Variants in NFU1 observed in about 807,000 individuals in gnomAD.
NFU1 encodes the protein NFU1 iron-sulfur cluster scaffold homolog, mitochondrial.
A neutral mutation model predicts 32.2 loss-of-function variants in NFU1; 30 were observed. The ratio of observed to expected loss-of-function variants is 0.93; its 90% CI spans 0.70 to 1.26. The LOEUF is 1.26. NFU1 is among the 50% of genes most tolerant of loss of function. The pLI is 0.00. For synonymous variants in NFU1, 112 were observed against 104.6 expected, an observed-to-expected ratio of 1.07 and a Z score of -0.43; for missense variants, 306 against 306.6, an observed-to-expected ratio of 1.00 and a Z score of 0.02.
intron 7 of NFU1, among the ~76,000 whole-genome samples, chr2:69,397,528 A>C (rs2104727216): frequency 1.3e-5 from 2 of 152,290 alleles, no homozygotes; most frequent in South Asian, 4.1e-4. Context: ...ATTGAATAAA[A>C]ATGTTCCTCA....
At position 69,419,465 on chromosome 2, in the gene NFU1, GGA is replaced by G. The variant is rs1574135958; in HGVS notation, c.369+71_369+72del. The G allele has an allele frequency of 5.4e-6, 4 of 746,144 alleles. No individual in the cohort carries two copies. In the East Asian group the frequency reaches 1.1e-4, roughly 20 times the overall value. 46.2% of individuals were successfully genotyped at this position (746,144 alleles called of 1,614,324 possible). On this transcript the variant is annotated intron_variant, in intron 4 of 7. Coordinates refer to ENST00000410022, the MANE Select transcript of NFU1 (RefSeq NM_001002755.4). ...AAAGAACAGAAAGAATGGAAATGTT[GGA>G]GAGAGAGGCATTGGACTCAGAAAAA...
In NFU1 at chr2:69,437,369, C is replaced by A. The variant is rs1391338906; in HGVS notation, c.54G>T (p.Leu18=). 4 of 1,607,920 alleles carry A rather than the reference C, an allele frequency of 2.5e-6. No homozygotes were observed. The highest frequency in any genetic ancestry group is 3.4e-6 in the Non-Finnish European group (4 of 1,178,738). ...GWGAAAVAAG[L]RRRFCHMLKN... The stretch of plus-strand genomic sequence containing the variant: ...CCAGGCTCGTCACCTACCGCCTGCG[C>A]AGCCCGGCGGCAACAGCCGCAGCTC... Residue 18 remains leucine (L), a synonymous_variant, in exon 1 of 8, where the codon CTG becomes CTT. Transcript: ENST00000410022.
At chr2:69,417,972 A>G (rs1234786236) in intron 4 of NFU1, among the ~76,000 whole-genome samples, 1 of 152,146 alleles carries the variant, frequency 6.6e-6, no homozygotes, top group East Asian at 1.9e-4. Flanking sequence ...TAAATATATA[A>G]TTTCCCACTT....
intron 5 of NFU1, among the ~76,000 whole-genome samples, chr2:69,411,921 TA>T (rs1672893726): frequency 6.6e-6 from 1 of 152,086 alleles, no homozygotes; most frequent in African/African-American, 2.4e-5. Context: ...CCTGTTTAAA[TA>T]AATATAAAAA....
chr2:69,427,920 G>A (rs1673519462), intron 2 of NFU1, among the ~76,000 whole-genome samples: 1 of 152,020 alleles, frequency 6.6e-6, no homozygotes, highest in South Asian at 2.1e-4. Flanking sequence ...CTACTTAGGA[G>A]GCTGAGGCAG....
intron 2 of NFU1, among the ~76,000 whole-genome samples, chr2:69,430,213 CT>C (rs1262879402): frequency 1.0e-5 from 1 of 99,046 alleles, no homozygotes; most frequent in Non-Finnish European, 1.9e-5. Context: ...AAAAATATTT[CT>C]TCCTTTTTTT....
At chr2:69,404,639 GAGAA>G (rs1672638790) in intron 6 of NFU1, among the ~76,000 whole-genome samples, 1 of 11,800 alleles carries the variant, frequency 8.5e-5, no homozygotes, top group African/African-American at 3.2e-4. Context: ...TTTTTTTTTT[GAGAA>G]AGAGTTTTGC....
intron 5 of NFU1, among the ~76,000 whole-genome samples, chr2:69,407,524 A>G (rs895838899): frequency 6.6e-6 from 1 of 151,552 alleles, no homozygotes; most frequent in Non-Finnish European, 1.5e-5. Context: ...TAAAAATACA[A>G]AAATTAGCCG....
At chr2:69,439,464 C>G (rs1673990341), upstream of NFU1, among the ~76,000 whole-genome samples, 1 of 152,288 alleles carries the variant, frequency 6.6e-6, no homozygotes, top group South Asian at 2.1e-4. Context: ...TGTTACAGTT[C>G]ATAAAGACAG....
chr2:69,396,091 C>T, downstream of NFU1: 1 of 626,370 alleles, frequency 1.6e-6, no homozygotes. Context: ...TTATAAATAA[C>T]TCATATGAGG....
At chr2:69,401,898 CTTTTTT>C (rs10707742) in intron 6 of NFU1, among the ~76,000 whole-genome samples, 6 of 145,086 alleles carry the variant, frequency 4.1e-5, no homozygotes, top group Admixed American at 2.1e-4. Context: ...ATCTTTTTTC[CTTTTTT>C]TTTTTTGGAG....
At chr2:69,404,351 G>T (rs112913113) in intron 6 of NFU1, among the ~76,000 whole-genome samples, 19,492 of 149,858 alleles carry the variant, frequency 0.13, 1,404 homozygotes, top group Non-Finnish European at 0.16. Flanking sequence ...AATTAGCTGG[G>T]TGTGGTGGTA....
chr2:69,398,471 G>A (rs12469795), intron 7 of NFU1, among the ~76,000 whole-genome samples: 10 of 152,304 alleles, frequency 6.6e-5, no homozygotes, highest in Non-Finnish European at 1.3e-4. Flanking sequence ...ATGCCTCTAA[G>A]TTTTCTACTT....
upstream of NFU1, among the ~76,000 whole-genome samples, chr2:69,439,487 G>A (rs943681916): frequency 3.3e-5 from 5 of 152,208 alleles, no homozygotes; most frequent in African/African-American, 1.2e-4. Context: ...CGGGCCCAAA[G>A]AGTGAGCCAC....
Position 69,400,423 on chromosome 2 carries a change from T to C in NFU1, c.661A>G (p.Lys221Glu), listed in dbSNP as rs1262744797. Residue 221 changes from lysine (K) to glutamate (E), a missense_variant, in exon 7 of 8, where the codon AAA (lysine) becomes GAA (glutamate). Transcript: ENST00000410022. ...TSCPSSIITL[K>E]NGIQNMLQFY... ...TGCAGCATGTTCTGAATTCCATTTT[T>C]CAGAGTAATGATTGAACTAGGGCAG... The C allele has an allele frequency of 6.2e-7, 1 of 1,614,064 alleles. No homozygotes were observed. The highest frequency in any genetic ancestry group is 1.1e-5 in the South Asian group (1 of 91,084).
chr2:69,405,275 C>T (rs1420800447), intron 6 of NFU1, among the ~76,000 whole-genome samples: 1 of 152,160 alleles, frequency 6.6e-6, no homozygotes, highest in South Asian at 2.1e-4. Context: ...CTTTTCTTAA[C>T]TTCCCTGCTC....
intron 4 of NFU1, among the ~76,000 whole-genome samples, chr2:69,417,076 T>C (rs1469752706): frequency 6.6e-6 from 1 of 151,986 alleles, no homozygotes; most frequent in African/African-American, 2.4e-5. Context: ...CTTCAGTAAA[T>C]AGCAGGCTCT....
chr2:69,406,473 GT>G (rs1672698756), intron 5 of NFU1, among the ~76,000 whole-genome samples: 1 of 152,168 alleles, frequency 6.6e-6, no homozygotes, highest in Non-Finnish European at 1.5e-5. Flanking sequence ...CACCTACTTT[GT>G]AAGTTAAGTT....
intron 6 of NFU1, among the ~76,000 whole-genome samples, chr2:69,401,737 T>C (rs1195616399): frequency 1.3e-5 from 2 of 152,258 alleles, no homozygotes; most frequent in African/African-American, 4.8e-5. Flanking sequence ...TGAGAGTTTC[T>C]GTTGCTCCAC....
Sources: allele counts gnomAD v4.1 joint callset (sites outside exome capture counted in the v4.1 genomes callset), GRCh38; gene constraint gnomAD v4.1.1; transcripts MANE v1.5; gene names NCBI Gene and HGNC (gene_info 2026-07-23, HGNC 2026-07-21).